Variants in EPHA4 observed in about 807,000 individuals in gnomAD.
EPHA4 encodes EPH receptor A4.
EPHA4 carries 19 observed loss-of-function variants against 108.3 expected under a neutral mutation model. The observed-to-expected ratio is 0.18, with a 90% CI of 0.12 to 0.26. The LOEUF is 0.26. Ranked by LOEUF, EPHA4 falls within the 10% of genes least tolerant of loss-of-function variation. The pLI is 1.00. For missense variants in EPHA4, 917 were observed against 1,254.0 expected, an observed-to-expected ratio of 0.73 and a Z score of 4.06; for synonymous variants, 449 against 455.5, an observed-to-expected ratio of 0.99 and a Z score of 0.18.
intron 3 of EPHA4, among the ~76,000 whole-genome samples, chr2:221,556,799 T>C (rs557386083): frequency 1.3e-5 from 2 of 152,302 alleles, no homozygotes; most frequent in South Asian, 4.1e-4. Context: ...TATTAAGATA[T>C]ATTGTTATAA....
intron 14 of EPHA4, among the ~76,000 whole-genome samples, chr2:221,432,817 T>TC: frequency 8.3e-6 from 1 of 120,636 alleles, no homozygotes; most frequent in Non-Finnish European, 1.7e-5. Context: ...CAAATCTTTG[T>TC]ATTTTTTTTT....
intron 13 of EPHA4, 50 bp from the exon 14 acceptor site, chr2:221,434,341 C>T (rs1273689367): frequency 6.9e-6 from 11 of 1,585,596 alleles, no homozygotes; most frequent in Non-Finnish European, 9.4e-6. Flanking sequence ...CACTGATGTG[C>T]CATTTTAGAT....
chr2:221,454,115 C>T (rs78962746), intron 8 of EPHA4, among the ~76,000 whole-genome samples: 43 of 151,830 alleles, frequency 2.8e-4, no homozygotes, highest in African/African-American at 6.8e-4. Context: ...AGGAGGCAGA[C>T]GTTGTAGTGA....
chr2:221,504,913 C>T (rs1427988322), intron 3 of EPHA4, among the ~76,000 whole-genome samples: 1 of 152,124 alleles, frequency 6.6e-6, no homozygotes, highest in African/African-American at 2.4e-5. Flanking sequence ...GGTTAAGTTA[C>T]CTAGAGTTAG....
chr2:221,469,739 G>A (rs1009476268), intron 5 of EPHA4, among the ~76,000 whole-genome samples: 4 of 152,140 alleles, frequency 2.6e-5, no homozygotes, highest in South Asian at 2.1e-4. Flanking sequence ...GTCATTCTAC[G>A]GCTGCCAAAT....
In EPHA4 at chr2:221,443,599, T is replaced by C. The variant is rs1690499095; in HGVS notation, c.1782A>G (p.Arg594=). 1 of 1,612,286 alleles carries C rather than the reference T, an allele frequency of 6.2e-7. No homozygotes were observed. The highest frequency in any genetic ancestry group is 1.7e-5 in the Admixed American group (1 of 59,956). Reference sequence around the variant, plus strand: ...CGTACGTAAAGGGGTCCACATATGTTCTTACACCTGAGTGATAAACATGAT... The same window carrying C: ...CGTACGTAAAGGGGTCCACATATGTCCTTACACCTGAGTGATAAACATGAT... ...DEEKHLNQGV[R]TYVDPFTYED... The change falls in exon 10 of 18, where the codon AGA becomes AGG. Residue 594 remains arginine (R), a synonymous_variant. Transcript: ENST00000281821.
chr2:221,452,966 T>C (rs541675006), intron 8 of EPHA4, among the ~76,000 whole-genome samples: 15 of 152,322 alleles, frequency 9.8e-5, no homozygotes, highest in African/African-American at 3.6e-4. Context: ...TTTCTTTTCA[T>C]CAAAGCCAAT....
intron 15 of EPHA4, among the ~76,000 whole-genome samples, chr2:221,428,457 C>G (rs1689976383): frequency 6.6e-6 from 1 of 152,096 alleles, no homozygotes; most frequent in Non-Finnish European, 1.5e-5. Context: ...TATCTAATAC[C>G]TCAACTTGTT....
At chr2:221,515,656 A>G (rs1692967540) in intron 3 of EPHA4, among the ~76,000 whole-genome samples, 1 of 152,086 alleles carries the variant, frequency 6.6e-6, no homozygotes. Flanking sequence ...CTCTACGAGA[A>G]GTTTTTAAAA....
At chr2:221,519,100 C>A (rs540624941) in intron 3 of EPHA4, among the ~76,000 whole-genome samples, 2 of 152,300 alleles carry the variant, frequency 1.3e-5, no homozygotes, top group South Asian at 4.1e-4. Flanking sequence ...AGTCCCTTTG[C>A]AGAGTTAGTC....
intron 14 of EPHA4, 77 bp from the exon 15 acceptor site, chr2:221,430,228 T>C: frequency 6.9e-7 from 1 of 1,449,708 alleles, no homozygotes. Context: ...GACTGGCATG[T>C]TTCTTGTGCA....
chr2:221,492,418 G>A (rs759775582), intron 4 of EPHA4, among the ~76,000 whole-genome samples: 13 of 152,146 alleles, frequency 8.5e-5, no homozygotes, highest in Non-Finnish European at 1.5e-4. Context: ...GAAATATCAT[G>A]AGGCTCTTAA....
chr2:221,573,508 G>T (rs939141298), upstream of EPHA4: 1 of 152,514 alleles, frequency 6.6e-6, no homozygotes, highest in African/African-American at 2.4e-5. This position sits in a 1 kb window ranked among gnomAD's most constrained non-coding sequence, Gnocchi z 4.5. Context: ...TTCCCCAGGC[G>T]CTGGCAGGGG....
chr2:221,455,959 A>C (rs1173366440), intron 7 of EPHA4, among the ~76,000 whole-genome samples: 2 of 152,158 alleles, frequency 1.3e-5, no homozygotes, highest in Non-Finnish European at 2.9e-5. Context: ...ATTCTTATTT[A>C]ATAATTTGTG....
chr2:221,493,167 TC>T (rs1427005006), intron 4 of EPHA4, among the ~76,000 whole-genome samples: 2 of 152,054 alleles, frequency 1.3e-5, no homozygotes, highest in Non-Finnish European at 2.9e-5. Flanking sequence ...AATGTATGCC[TC>T]CCCCATCATT....
intron 5 of EPHA4, among the ~76,000 whole-genome samples, chr2:221,474,027 A>G (rs962998794): frequency 6.6e-6 from 1 of 152,206 alleles, no homozygotes; most frequent in Non-Finnish European, 1.5e-5. Flanking sequence ...TGTATAAATA[A>G]AGACTTCATT....
intron 17 of EPHA4, among the ~76,000 whole-genome samples, chr2:221,421,377 G>GT (rs1243683156): frequency 2.0e-5 from 3 of 152,162 alleles, no homozygotes; most frequent in African/African-American, 7.2e-5. Context: ...TAACAAGAGA[G>GT]TAACTCCTGA....
intron 2 of EPHA4, 125 bp from the exon 3 acceptor site, chr2:221,564,519 A>C (rs574471330): frequency 1.1e-6 from 1 of 876,672 alleles, no homozygotes; most frequent in African/African-American, 1.7e-5. Context: ...ACTACTGAGC[A>C]CCAATCATCA....
chr2:221,508,586 G>GAAA (rs10717814), intron 3 of EPHA4, among the ~76,000 whole-genome samples: 4 of 131,222 alleles, frequency 3.0e-5, no homozygotes, highest in African/African-American at 5.9e-5. Context: ...CTCAAAACAG[G>GAAA]AAAAAAAAAA....
Sources: gnomAD v4.1 joint callset for allele counts (sites outside exome capture counted in the v4.1 genomes callset) on GRCh38, gnomAD v4.1.1 for gene constraint, Gnocchi (gnomAD v3.1) non-coding constraint, MANE v1.5 for transcripts, NCBI Gene and HGNC (gene_info 2026-07-23, HGNC 2026-07-21) for gene names.